The following GPATCH1 variants were observed in gnomAD, a reference collection of about 807,000 sequenced individuals.
GPATCH1 encodes the protein G patch domain-containing protein 1.
A neutral mutation model predicts 114.9 loss-of-function variants in GPATCH1; 73 were observed. The ratio of observed to expected loss-of-function variants is 0.64; its 90% CI spans 0.53 to 0.77. The LOEUF is 0.77. Among genes scored for constraint, GPATCH1 ranks in the 30% least tolerant of loss-of-function variants. The probability of loss-of-function intolerance (pLI) is 0.00; values close to 1 mark genes in which losing one functional copy is unlikely to be tolerated. For synonymous variants in GPATCH1, 391 were observed against 428.4 expected, an observed-to-expected ratio of 0.91 and a Z score of 1.08; for missense variants, 1,058 against 1,144.3, an observed-to-expected ratio of 0.92 and a Z score of 1.09.
rs1004182065 is a variant in GPATCH1, at chr19:33,126,673, G to A, written c.2705G>A (p.Ser902Asn). 1 of 1,614,104 alleles carries A rather than the reference G, an allele frequency of 6.2e-7. No homozygotes were observed. Among genetic ancestry groups the A allele is most frequent in the Non-Finnish European group, 8.5e-7 (1 of 1,180,002 alleles). Residue 902 changes from serine (S) to asparagine (N), a missense_variant, in exon 19 of 20, where the codon AGC becomes AAC. By Grantham distance (46) the Ser-to-Asn change is conservative. Transcript: ENST00000170564. ...AGTAGTAGCTCCGAGAGTTCCGACAGCAGCGACAGCCAGAGTGACGAGGAA... is the reference window on the plus strand; with the variant it reads ...AGTAGTAGCTCCGAGAGTTCCGACAACAGCGACAGCCAGAGTGACGAGGAA... ...EKSSSSESSD[S>N]SDSQSDEETA...
Position 33,111,757 on chromosome 19 carries a change from C to G in GPATCH1, c.1619C>G (p.Thr540Arg), listed in dbSNP as rs745508107. 1 of 1,614,102 alleles carries G rather than the reference C, an allele frequency of 6.2e-7. No individual in the cohort carries two copies. The highest frequency in any genetic ancestry group is 8.5e-7 in the Non-Finnish European group (1 of 1,180,020). Residue 540 changes from threonine to arginine, a missense_variant, in exon 12 of 20, where the codon ACA becomes AGA. By Grantham distance (71) the Thr-to-Arg change is moderately conservative. This residue lies in a region of GPATCH1 where 893 missense variants were observed against 977.4 expected (regional missense o/e 0.91). Coordinates refer to ENST00000170564, the MANE Select transcript of GPATCH1 (RefSeq NM_018025.3). ...ALERCLDPSM[T>R]EWERGRERDE... ...GAACGCTGTCTGGACCCCAGCATGA[C>G]AGAGTGGGAGCGAGGCCGTGAGCGG...
At chr19:33,091,719 C>A (rs1972598360) in intron 3 of GPATCH1, among the ~76,000 whole-genome samples, 1 of 152,084 alleles carries the variant, frequency 6.6e-6, no homozygotes, top group South Asian at 2.1e-4. Flanking sequence ...TGTAACAAAC[C>A]TGCACATCCT....
At chr19:33,127,519 T>TAAAAA (rs60093662) in intron 19 of GPATCH1, among the ~76,000 whole-genome samples, 13 of 106,276 alleles carry the variant, frequency 1.2e-4, no homozygotes, top group East Asian at 2.6e-4. Context: ...CTTGTCTCAA[T>TAAAAA]AAAAAAAAAA....
rs1972884026 is a variant in GPATCH1, at chr19:33,113,747, ATTC to A, written c.1893-17_1893-15del. The A allele has an allele frequency of 1.2e-6, 2 of 1,610,876 alleles. No homozygotes were observed. The highest frequency in any genetic ancestry group is 1.7e-6 in the Non-Finnish European group (2 of 1,177,758). On this transcript the variant is annotated splice_polypyrimidine_tract_variant and intron_variant, in intron 13 of 19. Coordinates refer to ENST00000170564, the MANE Select transcript of GPATCH1 (RefSeq NM_018025.3). ...TGTCCTACTGGTTGTTACTAAAATG[ATTC>A]TTTTTTCAATTCCCAGTTCAACTTT...
At chr19:33,095,554 C>T (rs1295504877) in intron 5 of GPATCH1, among the ~76,000 whole-genome samples, 3 of 151,810 alleles carry the variant, frequency 2.0e-5, no homozygotes, top group African/African-American at 4.8e-5. Flanking sequence ...TGAGCCGCTG[C>T]GCCCAGCCTT....
At chr19:33,105,948 C>T (rs1047241073) in intron 9 of GPATCH1, among the ~76,000 whole-genome samples, 11 of 151,354 alleles carry the variant, frequency 7.3e-5, no homozygotes, top group Non-Finnish European at 1.5e-4. Flanking sequence ...CCCGGGTTTA[C>T]GCGACTCTCC....
chr19:33,096,791 A>C (rs1353178265), intron 7 of GPATCH1, among the ~76,000 whole-genome samples: 4 of 150,666 alleles, frequency 2.7e-5, no homozygotes, highest in Admixed American at 6.6e-5. Flanking sequence ...ACCATGCCCC[A>C]CTAATTTTTG....
At chr19:33,101,379 G>A (rs1006690526) in intron 8 of GPATCH1, 116 bp from the exon 9 acceptor site, 2 of 661,272 alleles carry the variant, frequency 3.0e-6, no homozygotes, top group East Asian at 2.6e-5. Flanking sequence ...TTGAGTGATA[G>A]CATGTATGAC....
chr19:33,090,186 C>CA (rs1972578593), intron 2 of GPATCH1, among the ~76,000 whole-genome samples: 1 of 152,154 alleles, frequency 6.6e-6, no homozygotes, highest in Non-Finnish European at 1.5e-5. Context: ...GGTCAGGGAA[C>CA]AAGGCCATTG....
At chr19:33,112,410 T>C in intron 12 of GPATCH1, 76 bp from the exon 13 acceptor site, 1 of 1,555,258 alleles carries the variant, frequency 6.4e-7, no homozygotes, top group Non-Finnish European at 8.8e-7. Context: ...GAAGATTGCT[T>C]GAAAATTTTA....
rs1279211366 is a variant in GPATCH1 at position 33,109,819 on chromosome 19, G to A, written c.1388G>A (p.Arg463Lys). 2.5e-6 allele frequency: 4 copies of A among 1,613,830 alleles called. No individual in the cohort carries two copies. The South Asian group carries it at 4.4e-5, about 18-fold the overall frequency. ...TDLKAAQLKA[R>K]SLAQNAQSSR... ...CTGAAAGCAGCTCAGCTCAAGGCCA[G>A]GAGTCTGGCCCAGAACGCTCAGAGC... The change falls in exon 11 of 20, where the codon AGG becomes AAG. Residue 463 changes from arginine to lysine, a missense_variant. Around this residue, in one of 3 missense-constraint regions of GPATCH1, gnomAD observed 893 missense variants for 977.4 expected, o/e 0.91. Coordinates refer to ENST00000170564, the MANE Select transcript of GPATCH1 (RefSeq NM_018025.3).
intron 9 of GPATCH1, 48 bp from the exon 10 acceptor site, chr19:33,106,647 C>A: frequency 6.8e-7 from 1 of 1,464,576 alleles, no homozygotes; most frequent in Non-Finnish European, 9.5e-7. Context: ...TTAAATCAAA[C>A]ATGATCTTGC....
chr19:33,116,745 G>A (rs1972920187), intron 15 of GPATCH1, among the ~76,000 whole-genome samples: 1 of 152,138 alleles, frequency 6.6e-6, no homozygotes, highest in Non-Finnish European at 1.5e-5. Context: ...TAGCCAGGAT[G>A]GTCTCGATCT....
At chr19:33,100,936 C>G (rs1364161869) in intron 8 of GPATCH1, among the ~76,000 whole-genome samples, 2 of 152,146 alleles carry the variant, frequency 1.3e-5, no homozygotes, top group Non-Finnish European at 2.9e-5. Flanking sequence ...CGATCCCCAC[C>G]TCCAGGTCAG....
intron 17 of GPATCH1, 73 bp from the exon 18 acceptor site, chr19:33,125,032 T>G (rs994128361): frequency 6.6e-7 from 1 of 1,511,524 alleles, no homozygotes; most frequent in Admixed American, 2.0e-5. Flanking sequence ...ATTCAGCAGT[T>G]TAGGAGCTTA....
At chr19:33,114,822 A>C (rs1051985878) in intron 15 of GPATCH1, among the ~76,000 whole-genome samples, 1 of 42,810 alleles carries the variant, frequency 2.3e-5, no homozygotes, top group African/African-American at 9.3e-5. Context: ...TTTTTTTTTG[A>C]GATGGAGTCT....
intron 2 of GPATCH1, among the ~76,000 whole-genome samples, chr19:33,088,649 C>CT (rs1248867306): frequency 1.4e-5 from 2 of 146,922 alleles, no homozygotes; most frequent in Non-Finnish European, 1.5e-5. Context: ...CTGCACCCGG[C>CT]CACCTTTGCT....
intron 9 of GPATCH1, among the ~76,000 whole-genome samples, chr19:33,104,375 A>T (rs1322054458): frequency 3.4e-5 from 5 of 147,254 alleles, no homozygotes; most frequent in Non-Finnish European, 7.4e-5. Context: ...CCCATGGAGG[A>T]TATAGAGAAG....
chr19:33,100,920 AG>A (rs1362887197), intron 8 of GPATCH1, among the ~76,000 whole-genome samples: 1 of 152,154 alleles, frequency 6.6e-6, no homozygotes, highest in Non-Finnish European at 1.5e-5. Context: ...CTCTATGACC[AG>A]AAGACGATCC....
Sources: gnomAD v4.1 joint callset for allele counts (sites outside exome capture counted in the v4.1 genomes callset) on GRCh38, gnomAD v4.1.1 for gene constraint, gnomAD v4.1.1 regional missense constraint, MANE v1.5 for transcripts, NCBI Gene and HGNC (gene_info 2026-07-23, HGNC 2026-07-21) for gene names.